CXADR: variants seen among roughly 807,000 people sequenced by gnomAD.
The protein encoded by CXADR is CXADR cell adhesion molecule.
Under a neutral mutation model 40.3 loss-of-function variants are expected in CXADR, and 20 were observed. The ratio of observed to expected loss-of-function variants is 0.50; its 90% CI spans 0.35 to 0.72. The LOEUF is 0.72. Ranked by LOEUF, CXADR falls within the 30% of genes least tolerant of loss-of-function variation. CXADR has a pLI of 0.01. For synonymous variants in CXADR, 150 were observed against 161.3 expected, an observed-to-expected ratio of 0.93 and a Z score of 0.53; for missense variants, 332 against 449.1, an observed-to-expected ratio of 0.74 and a Z score of 2.36.
At chr21:17,524,355 C>T (rs952966644) in intron 1 of CXADR, among the ~76,000 whole-genome samples, 7 of 151,296 alleles carry the variant, frequency 4.6e-5, no homozygotes, top group Non-Finnish European at 1.0e-4. Context: ...TGAGGTCAGG[C>T]ATTCGAGACC....
At chr21:17,604,726 T>A in the CXADR span, 1 of 1,142,236 alleles carries the variant, frequency 8.8e-7, no homozygotes, top group Non-Finnish European at 1.2e-6. Context: ...AAGTATTTCA[T>A]AAAATTTACA....
intron 1 of CXADR, among the ~76,000 whole-genome samples, chr21:17,513,624 T>C (rs114365161): frequency 0.015 from 2,335 of 152,306 alleles, 65 homozygotes; most frequent in African/African-American, 0.054. Flanking sequence ...GGAGGCTGAA[T>C]TGCAAACGCC....
chr21:17,587,271 G>C (rs1291864855), intron 7 of CXADR, among the ~76,000 whole-genome samples: 1 of 152,046 alleles, frequency 6.6e-6, no homozygotes, highest in Non-Finnish European at 1.5e-5. Flanking sequence ...GGATGGCTGG[G>C]TCAAATGGTA....
intron 7 of CXADR, among the ~76,000 whole-genome samples, chr21:17,589,958 T>G (rs910171372): frequency 3.9e-5 from 6 of 152,128 alleles, no homozygotes; most frequent in African/African-American, 1.4e-4. Flanking sequence ...TTGTATTTAG[T>G]GTTCATATAT....
chr21:17,524,993 G>A (rs183688155), intron 1 of CXADR, among the ~76,000 whole-genome samples: 1 of 152,262 alleles, frequency 6.6e-6, no homozygotes, highest in African/African-American at 2.4e-5. Flanking sequence ...AGTTGGTGGG[G>A]TGTTTGCAGA....
intron 1 of CXADR, among the ~76,000 whole-genome samples, chr21:17,531,432 T>C (rs147946268): frequency 1.3e-5 from 2 of 152,352 alleles, no homozygotes; most frequent in Admixed American, 6.5e-5. Flanking sequence ...TCTTTTCTTA[T>C]TCTTTTTGTT....
intron 4 of CXADR, 122 bp downstream of exon 4, chr21:17,559,253 C>A: frequency 9.8e-7 from 1 of 1,022,052 alleles, no homozygotes; most frequent in South Asian, 1.6e-5. Flanking sequence ...AATCACGGCT[C>A]ACTGAAGCTT....
chr21:17,516,257 C>T (rs965788083), intron 1 of CXADR, among the ~76,000 whole-genome samples: 7 of 152,158 alleles, frequency 4.6e-5, no homozygotes, highest in African/African-American at 1.7e-4. Context: ...CACAGATTTG[C>T]TCTTGAATCT....
intron 1 of CXADR, among the ~76,000 whole-genome samples, chr21:17,531,298 CAAA>C (rs112689570): frequency 2.3e-5 from 3 of 128,186 alleles, no homozygotes; most frequent in African/African-American, 2.7e-5. Flanking sequence ...GACTCTGTCT[CAAA>C]AAAAAAAAAA....
At chr21:17,547,998 C>A (rs1429684805) in intron 2 of CXADR, among the ~76,000 whole-genome samples, 1 of 152,060 alleles carries the variant, frequency 6.6e-6, no homozygotes, top group Admixed American at 6.5e-5. Context: ...TTTACCTTTT[C>A]AATGGTTCTA....
chr21:17,529,697 T>A (rs2060645612), intron 1 of CXADR, among the ~76,000 whole-genome samples: 2 of 152,346 alleles, frequency 1.3e-5, no homozygotes, highest in African/African-American at 4.8e-5. Flanking sequence ...AATTTGCTTT[T>A]TTGTTGCTTA....
At position 17,568,390 on chromosome 21, in the gene CXADR, A is replaced by G. The variant is rs1056280105; in HGVS notation, c.*2698A>G. 1.0e-6 allele frequency: 1 copy of G among 969,624 alleles called. No homozygotes were observed. The highest frequency in any genetic ancestry group is 1.2e-6 in the Non-Finnish European group (1 of 815,844). 60.1% of individuals were successfully genotyped at this position (969,624 alleles called of 1,614,324 possible). ...TGATCTGCCTGCCTCGGCCTCCCAA[A>G]GTGCTGGGATTACAGGCGTGAACCA... On this transcript the variant is annotated 3_prime_UTR_variant, in exon 7 of 7. Transcript: ENST00000284878.
At chr21:17,595,368 G>A (rs941415359), downstream of CXADR, among the ~76,000 whole-genome samples, 1 of 151,636 alleles carries the variant, frequency 6.6e-6, no homozygotes, top group Non-Finnish European at 1.5e-5. Flanking sequence ...AAGTACAAAA[G>A]GGTAAACTGT....
At chr21:17,604,356 A>C in the CXADR span, 1 of 202,606 alleles carries the variant, frequency 4.9e-6, no homozygotes, top group Non-Finnish European at 1.1e-5. Flanking sequence ...GAGGCAGGAG[A>C]ATCACTTGAA....
At chr21:17,578,765 T>G (rs1345094620) in intron 7 of CXADR, among the ~76,000 whole-genome samples, 1 of 152,136 alleles carries the variant, frequency 6.6e-6, no homozygotes, top group East Asian at 1.9e-4. Context: ...AAGGGTGCAG[T>G]GAGCCATGAT....
the CXADR span, among the ~76,000 whole-genome samples, chr21:17,616,252 A>C: frequency 2.0e-4 from 29 of 142,636 alleles, no homozygotes; most frequent in Admixed American, 1.4e-3. Context: ...GACACTATCT[A>C]AAAAAGAAAA....
chr21:17,550,782 A>G (rs975616102), intron 2 of CXADR, among the ~76,000 whole-genome samples: 12 of 152,220 alleles, frequency 7.9e-5, no homozygotes, highest in African/African-American at 2.9e-4. Flanking sequence ...GCCTTTAGTA[A>G]TTGCCTTCAA....
the CXADR span, among the ~76,000 whole-genome samples, chr21:17,629,828 C>CAAAT: frequency 4.9e-4 from 74 of 151,000 alleles, no homozygotes; most frequent in Admixed American, 2.0e-3. Context: ...AACAAATAAG[C>CAAAT]AAATAAATAA....
At chr21:17,598,492 G>T, downstream of CXADR, 1 of 770,418 alleles carries the variant, frequency 1.3e-6, no homozygotes. Context: ...CTTAGCATGG[G>T]GAAAGGCAAG....
Sources: allele counts gnomAD v4.1 joint callset (sites outside exome capture counted in the v4.1 genomes callset), GRCh38; gene constraint gnomAD v4.1.1; transcripts MANE v1.5; gene names NCBI Gene and HGNC (gene_info 2026-07-23, HGNC 2026-07-21).